PAPPA: variants seen among roughly 807,000 people sequenced by gnomAD.
PAPPA encodes the protein pappalysin-1.
Under a neutral mutation model 164.0 loss-of-function variants are expected in PAPPA, and 60 were observed. The observed-to-expected ratio is 0.37, with a 90% CI of 0.30 to 0.45. The LOEUF (loss-of-function observed/expected upper bound fraction) is 0.45, where lower values mean the gene tolerates loss of function less well. Ranked by LOEUF, PAPPA falls within the 20% of genes least tolerant of loss-of-function variation. The pLI is 1.00. For missense variants in PAPPA, 1,782 were observed against 2,087.3 expected, an observed-to-expected ratio of 0.85 and a Z score of 2.85; for synonymous variants, 875 against 814.1, an observed-to-expected ratio of 1.07 and a Z score of -1.27.
chr9:116,197,996 T>C (rs1387837626), intron 2 of PAPPA, among the ~76,000 whole-genome samples: 1 of 152,236 alleles, frequency 6.6e-6, no homozygotes, highest in Non-Finnish European at 1.5e-5. Flanking sequence ...TCCTAAAACA[T>C]TGACTGCTGC....
chr9:116,348,202 C>G (rs942239311), intron 15 of PAPPA, among the ~76,000 whole-genome samples: 2 of 151,746 alleles, frequency 1.3e-5, no homozygotes, highest in Admixed American at 1.3e-4. Context: ...TCAACTAGGA[C>G]CAATTGCCAC....
chr9:116,166,406 T>C (rs952501773), intron 1 of PAPPA, among the ~76,000 whole-genome samples: 8 of 152,164 alleles, frequency 5.3e-5, no homozygotes, highest in African/African-American at 1.9e-4. Context: ...TTTCCCTCTC[T>C]CCCCCTTATC....
chr9:116,259,784 T>C (rs924811992), intron 7 of PAPPA, among the ~76,000 whole-genome samples: 1 of 152,194 alleles, frequency 6.6e-6, no homozygotes, highest in Admixed American at 6.5e-5. Context: ...AATGATACCA[T>C]TTTAGCCTTT....
At chr9:116,169,505 A>C (rs1387251025) in intron 1 of PAPPA, among the ~76,000 whole-genome samples, 5 of 150,872 alleles carry the variant, frequency 3.3e-5, no homozygotes, top group African/African-American at 1.2e-4. Context: ...TTTTTATTAG[A>C]GACAGGGCTT....
intron 12 of PAPPA, among the ~76,000 whole-genome samples, chr9:116,333,498 C>G (rs1156944003): frequency 6.6e-6 from 1 of 152,176 alleles, no homozygotes; most frequent in African/African-American, 2.4e-5. Context: ...TGTGCCCACA[C>G]CATTCTGCAG....
At chr9:116,231,766 C>CTTTCTTTTTT (rs752926276) in intron 6 of PAPPA, among the ~76,000 whole-genome samples, 2 of 57,524 alleles carry the variant, frequency 3.5e-5, no homozygotes, top group Non-Finnish European at 6.2e-5. Flanking sequence ...TTTTCTTTTT[C>CTTTCTTTTTT]TTTTTTTTTT....
chr9:116,304,065 T>A (rs576948463), intron 10 of PAPPA, among the ~76,000 whole-genome samples: 1 of 152,300 alleles, frequency 6.6e-6, no homozygotes, highest in Admixed American at 6.5e-5. Context: ...AATGAATGAA[T>A]GAGTGCACAG....
intron 9 of PAPPA, among the ~76,000 whole-genome samples, chr9:116,295,106 A>G (rs1428817948): frequency 6.6e-6 from 1 of 152,170 alleles, no homozygotes; most frequent in African/African-American, 2.4e-5. Context: ...TGGCTCATCA[A>G]TGGGCTGGAA....
chr9:116,210,866 A>G (rs1461719457), intron 3 of PAPPA, among the ~76,000 whole-genome samples: 1 of 152,168 alleles, frequency 6.6e-6, no homozygotes, highest in Non-Finnish European at 1.5e-5. Flanking sequence ...CAAGTGATGT[A>G]CTTGATGTAT....
At chr9:116,219,504 A>T (rs1363797496) in intron 4 of PAPPA, among the ~76,000 whole-genome samples, 1 of 152,218 alleles carries the variant, frequency 6.6e-6, no homozygotes, top group Non-Finnish European at 1.5e-5. Flanking sequence ...TGAATGAGTG[A>T]ATGGATAAAC....
chr9:116,198,492 A>G (rs575297060), intron 2 of PAPPA, among the ~76,000 whole-genome samples: 1 of 152,336 alleles, frequency 6.6e-6, no homozygotes, highest in East Asian at 1.9e-4. Context: ...ACAACATTGA[A>G]CATTGCACAA....
chr9:116,322,305 G>A (rs187714052), intron 10 of PAPPA, among the ~76,000 whole-genome samples: 29 of 151,892 alleles, frequency 1.9e-4, no homozygotes, highest in Admixed American at 1.7e-3. Flanking sequence ...AGCTACTCGG[G>A]GGGTGGAGGC....
chr9:116,384,809 CG>C (rs1846784674), intron 21 of PAPPA, among the ~76,000 whole-genome samples: 2 of 152,074 alleles, frequency 1.3e-5, no homozygotes, highest in South Asian at 4.1e-4. Context: ...CACCTTTGAA[CG>C]TGAATGGACG....
intron 2 of PAPPA, among the ~76,000 whole-genome samples, chr9:116,192,604 A>C (rs1025491655): frequency 6.6e-6 from 1 of 152,132 alleles, no homozygotes; most frequent in Non-Finnish European, 1.5e-5. Context: ...CACTGCAATC[A>C]CTGGTGTGAA....
intron 9 of PAPPA, among the ~76,000 whole-genome samples, chr9:116,284,460 A>G (rs557124821): frequency 2.3e-4 from 35 of 151,000 alleles, no homozygotes; most frequent in Non-Finnish European, 4.6e-4. Flanking sequence ...AAGTATCAGC[A>G]GTCTCCAATG....
chr9:116,245,471 T>A (rs1020582758), intron 7 of PAPPA, among the ~76,000 whole-genome samples: 9 of 152,108 alleles, frequency 5.9e-5, no homozygotes, highest in Admixed American at 5.9e-4. Flanking sequence ...TGAATCCATT[T>A]AGGGTTGACT....
intron 2 of PAPPA, among the ~76,000 whole-genome samples, chr9:116,206,893 C>T (rs944119298): frequency 1.2e-4 from 19 of 152,076 alleles, no homozygotes; most frequent in South Asian, 2.1e-4. Context: ...GATAATGCAC[C>T]GTACAGGGTA....
In PAPPA at chr9:116,154,506, C is replaced by T; in HGVS notation, c.334C>T (p.Leu112Phe). Residue 112 changes from leucine (L) to phenylalanine (F), a missense_variant, in exon 1 of 22, where the codon CTC becomes TTC. Around this residue, in one of 2 missense-constraint regions of PAPPA, gnomAD observed 458 missense variants for 430.3 expected, o/e 1.06. Coordinates refer to ENST00000328252, the MANE Select transcript of PAPPA (RefSeq NM_002581.5). This position sits in a 1 kb window ranked among gnomAD's most constrained non-coding sequence, Gnocchi z 5.2. ...CGAGCAGCTGCGCCTCCGGGCCGAC[C>T]TCGAGCTGCCCCGGGACGCGTTCAC... Reference protein sequence around the residue: ...RGEQLRLRADLELPRDAFTLQ... With the variant: ...RGEQLRLRADFELPRDAFTLQ... The T allele has an allele frequency of 2.2e-6, 3 of 1,374,800 alleles. No homozygotes were observed. Among genetic ancestry groups the T allele is most frequent in the Non-Finnish European group, 2.8e-6 (3 of 1,061,776 alleles). The allele number at this position is 1,374,800 out of a possible 1,614,324, so 85.2% of individuals were successfully genotyped here. A position where few individuals can be genotyped will look rare whatever the true frequency, so the allele number is the denominator to read the frequency against.
At chr9:116,366,158 A>G (rs988634297) in intron 18 of PAPPA, among the ~76,000 whole-genome samples, 1 of 152,158 alleles carries the variant, frequency 6.6e-6, no homozygotes, top group Admixed American at 6.5e-5. Context: ...GCCTAGTCAG[A>G]TTCTGACAGG....
Sources: allele counts gnomAD v4.1 joint callset (sites outside exome capture counted in the v4.1 genomes callset), GRCh38; gene constraint gnomAD v4.1.1; regional missense constraint gnomAD v4.1.1; non-coding constraint Gnocchi (gnomAD v3.1); transcripts MANE v1.5; gene names NCBI Gene and HGNC (gene_info 2026-07-23, HGNC 2026-07-21).